PRMT8: variants seen among roughly 807,000 people sequenced by gnomAD.
The protein encoded by PRMT8 is protein arginine N-methyltransferase 8.
A neutral mutation model predicts 47.1 loss-of-function variants in PRMT8; 7 were observed. The ratio of observed to expected loss-of-function variants is 0.15; its 90% CI spans 0.08 to 0.28. The LOEUF (loss-of-function observed/expected upper bound fraction) is 0.28, where lower values mean the gene tolerates loss of function less well. Ranked by LOEUF, PRMT8 falls within the 10% of genes least tolerant of loss-of-function variation. The probability of loss-of-function intolerance (pLI) is 1.00; values close to 1 mark genes in which losing one functional copy is unlikely to be tolerated. For missense variants in PRMT8, 237 were observed against 505.4 expected, an observed-to-expected ratio of 0.47 and a Z score of 5.09; for synonymous variants, 188 against 186.5, an observed-to-expected ratio of 1.01 and a Z score of -0.07.
chr12:3,579,742 G>A (rs556467140), intron 7 of PRMT8, among the ~76,000 whole-genome samples: 1 of 152,316 alleles, frequency 6.6e-6, no homozygotes, highest in South Asian at 2.1e-4. Flanking sequence ...TAACATTGCA[G>A]AGTGTGACAC....
chr12:3,401,102 G>A (rs1424412037), intron 1 of PRMT8, among the ~76,000 whole-genome samples: 3 of 128,784 alleles, frequency 2.3e-5, no homozygotes, highest in Admixed American at 9.7e-5. Context: ...AGCTGAGATC[G>A]CACCATTACA....
chr12:3,538,477 C>A lies in PRMT8; in HGVS notation c.76-2129C>A. The A allele has an allele frequency of 2.7e-6, 1 of 367,206 alleles. No individual in the cohort carries two copies. The highest frequency in any genetic ancestry group is 2.1e-5 in the South Asian group (1 of 48,728). The allele number at this position is 367,206 out of a possible 1,614,324, so 22.7% of individuals were successfully genotyped here. ...AGGGATCACAGGCCACTGCCGTTTC[C>A]CACCCACTCCCAGCCTCCGGGGAGT... On this transcript the variant is annotated intron_variant, in intron 1 of 9. Transcript: ENST00000382622. The surrounding 1 kb of genome is among the most constrained non-coding windows in gnomAD (Gnocchi z 4.6).
At chr12:3,443,300 C>T (rs1354358674) in intron 1 of PRMT8, among the ~76,000 whole-genome samples, 3 of 152,174 alleles carry the variant, frequency 2.0e-5, no homozygotes, top group Non-Finnish European at 2.9e-5. Flanking sequence ...TAACCAAATT[C>T]ACTATGTCCA....
intron 1 of PRMT8, among the ~76,000 whole-genome samples, chr12:3,526,814 T>G (rs2137148278): frequency 6.6e-6 from 1 of 152,332 alleles, no homozygotes; most frequent in East Asian, 1.9e-4. Flanking sequence ...CTAGGTTTCC[T>G]TTCATCAGAA....
chr12:3,420,658 C>T (rs149443502), intron 1 of PRMT8, among the ~76,000 whole-genome samples: 4 of 152,136 alleles, frequency 2.6e-5, no homozygotes, highest in African/African-American at 9.7e-5. Flanking sequence ...ACGGTGGAGG[C>T]GGTCACCACG....
chr12:3,494,448 TA>T (rs1565422733), intron 1 of PRMT8, among the ~76,000 whole-genome samples: 1 of 152,202 alleles, frequency 6.6e-6, no homozygotes, highest in Non-Finnish European at 1.5e-5. Context: ...TCTGGTGGGT[TA>T]AGTCAGCCCT....
At chr12:3,542,964 AAGTTTCACCAAATAAATACTAGACC>A (rs1304108117) in intron 2 of PRMT8, among the ~76,000 whole-genome samples, 1 of 152,246 alleles carries the variant, frequency 6.6e-6, no homozygotes, top group Non-Finnish European at 1.5e-5. Flanking sequence ...AGAGGACATC[AAGTTTCACCAAATAAATACTAGACC>A]AGTTTCCCTC....
chr12:3,491,172 G>T, upstream of PRMT8: 1 of 987,726 alleles, frequency 1.0e-6, no homozygotes, highest in Non-Finnish European at 1.2e-6. Flanking sequence ...ACCCGGCTCA[G>T]CCCCTAGGAG....
At chr12:3,487,156 G>A (rs1387132343), upstream of PRMT8, among the ~76,000 whole-genome samples, 1 of 152,202 alleles carries the variant, frequency 6.6e-6, no homozygotes, top group African/African-American at 2.4e-5. Context: ...GCCATGAGGT[G>A]GTGATGGATC....
At position 3,568,831 on chromosome 12, in the gene PRMT8, GC is replaced by G. The variant is rs751080314; in HGVS notation, c.609del (p.Arg204GlyfsTer5). The G allele has an allele frequency of 6.2e-7, 1 of 1,614,032 alleles. No individual in the cohort carries two copies. ...GTCCATGCTCAACACGGTGATCTTTGCCAGGGACAAGTGGCTGGTAAGTGTC... is the reference window on the plus strand; with the variant it reads ...GTCCATGCTCAACACGGTGATCTTTGCAGGGACAAGTGGCTGGTAAGTGTC... ...YESMLNTVIF[A>X]RDKWLKPGGL... is the part of the protein sequence containing the mutation. On this transcript the variant is annotated frameshift_variant, in exon 5 of 10. Transcript: ENST00000382622. LOFTEE classifies it high-confidence loss of function.
Position 3,593,079 on chromosome 12 carries a change from GCT to G in PRMT8, c.1102-11_1102-10del, listed in dbSNP as rs778438660. The G allele has an allele frequency of 3.7e-6, 6 of 1,607,138 alleles. No individual in the cohort carries two copies. The highest frequency in any genetic ancestry group is 5.1e-6 in the Non-Finnish European group (6 of 1,174,266). ...TACCCAGACGGCCGCCTGACCCTTC[GCT>G]CTCTCTCTGCCTTGCAGCGAGACCT... is the stretch of plus-strand genomic sequence containing the variant. On this transcript the variant is annotated intron_variant, in intron 9 of 9. Transcript: ENST00000382622. This position sits in a 1 kb window ranked among gnomAD's most constrained non-coding sequence, Gnocchi z 4.8.
chr12:3,533,375 C>T (rs1386738844), intron 1 of PRMT8, among the ~76,000 whole-genome samples: 1 of 152,364 alleles, frequency 6.6e-6, no homozygotes, highest in African/African-American at 2.4e-5. Context: ...GCAGCCTGCA[C>T]ACCGCCCAGG....
intron 1 of PRMT8, among the ~76,000 whole-genome samples, chr12:3,524,642 T>TAA (rs34644466): frequency 1.9e-4 from 17 of 89,256 alleles, no homozygotes; most frequent in East Asian, 2.9e-4. Flanking sequence ...CAAGACAATC[T>TAA]AAAAAAAAAA....
chr12:3,484,117 A>C (rs1865299907), intron 1 of PRMT8, among the ~76,000 whole-genome samples: 1 of 152,162 alleles, frequency 6.6e-6, no homozygotes, highest in South Asian at 2.1e-4. Flanking sequence ...CCCTGAACTG[A>C]TGGCAGGCTG....
At position 3,535,177 on chromosome 12, in the gene PRMT8, A is replaced by G. The variant is rs1458050384; in HGVS notation, c.76-5429A>G. On this transcript the variant is annotated intron_variant, in intron 1 of 9. Transcript: ENST00000382622. This position sits in a 1 kb window ranked among gnomAD's most constrained non-coding sequence, Gnocchi z 4.7. Reference sequence around the variant, plus strand: ...TTCAAGGACGAGCTCACAAGCTCACATGCCCCTTCTTCAGGAAGCCAGCTT... The same window carrying G: ...TTCAAGGACGAGCTCACAAGCTCACGTGCCCCTTCTTCAGGAAGCCAGCTT... Among the ~76,000 whole-genome samples the G allele has an allele frequency of 6.6e-6, 1 of 152,120 alleles. No individual in the cohort carries two copies. Among genetic ancestry groups the G allele is most frequent in the East Asian group, 1.9e-4 (1 of 5,186 alleles).
At chr12:3,390,351 C>T (rs1232181564) in intron 1 of PRMT8, among the ~76,000 whole-genome samples, 1 of 152,168 alleles carries the variant, frequency 6.6e-6, no homozygotes, top group Non-Finnish European at 1.5e-5. Flanking sequence ...TCCTGCTGAC[C>T]GATGGCACAA....
chr12:3,567,971 C>T (rs1866754629), intron 4 of PRMT8, among the ~76,000 whole-genome samples: 1 of 151,746 alleles, frequency 6.6e-6, no homozygotes, highest in Non-Finnish European at 1.5e-5. Flanking sequence ...TACTTGGAGG[C>T]TGAGGCAGGA....
intron 8 of PRMT8, among the ~76,000 whole-genome samples, chr12:3,588,208 A>G (rs1867224438): frequency 6.6e-6 from 1 of 152,168 alleles, no homozygotes; most frequent in Non-Finnish European, 1.5e-5. Context: ...TGCCATTGAC[A>G]TCCTGTGACA....
At chr12:3,435,274 T>C (rs1360254323) in intron 1 of PRMT8, among the ~76,000 whole-genome samples, 2 of 152,056 alleles carry the variant, frequency 1.3e-5, no homozygotes, top group African/African-American at 4.8e-5. Context: ...CAGCCTGCTT[T>C]GCTCTTTACA....
Sources: gnomAD v4.1 joint callset for allele counts (sites outside exome capture counted in the v4.1 genomes callset) on GRCh38, gnomAD v4.1.1 for gene constraint, Gnocchi (gnomAD v3.1) non-coding constraint, MANE v1.5 for transcripts, NCBI Gene and HGNC (gene_info 2026-07-23, HGNC 2026-07-21) for gene names.